GALNT3: variants seen among roughly 807,000 people sequenced by gnomAD.
GALNT3 encodes polypeptide N-acetylgalactosaminyltransferase 3, also known as GalNAc transferase 3.
GALNT3 carries 51 observed loss-of-function variants against 69.8 expected under a neutral mutation model. The observed-to-expected ratio is 0.73, with a 90% CI of 0.58 to 0.92. GALNT3 has a LOEUF of 0.92. GALNT3 is among the 40% of genes least tolerant of loss of function. GALNT3 has a pLI of 0.00. For missense variants in GALNT3, 711 were observed against 760.0 expected (o/e 0.94, Z 0.76); for synonymous variants, 265 against 248.5 (o/e 1.07, Z -0.63).
chr2:165,758,681 G>T (rs1417103008), intron 6 of GALNT3, 66 bp downstream of exon 6: 17 of 1,030,018 alleles, frequency 1.7e-5, no homozygotes, highest in Middle Eastern at 2.7e-4. Context: ...ATATGTACCA[G>T]CCGATTAGAA....
intron 7 of GALNT3, 148 bp from the exon 8 acceptor site, chr2:165,755,211 T>C: frequency 2.5e-6 from 2 of 785,528 alleles, no homozygotes; most frequent in Non-Finnish European, 4.2e-6. Context: ...TCATCATTCA[T>C]TCAAGTAAAA....
intron 7 of GALNT3, among the ~76,000 whole-genome samples, chr2:165,755,590 C>A (rs1688430953): frequency 6.6e-6 from 1 of 152,072 alleles, no homozygotes; most frequent in African/African-American, 2.4e-5. Flanking sequence ...AACAATATCC[C>A]CAACTGAACC....
chr2:165,757,157 C>G lies in GALNT3; in HGVS notation c.1282G>C (p.Gly428Arg). 1 of 1,614,066 alleles carries G rather than the reference C, an allele frequency of 6.2e-7. No individual in the cohort carries two copies. The highest frequency in any genetic ancestry group is 8.5e-7 in the Non-Finnish European group (1 of 1,179,954). ...TGGTTTCTAGCAATCACCTGAGTGC[C>G]TTTTGGAAAGCTATGAGGGCTTTTG... Reference protein sequence around the residue: ...RSKSPHSFPKGTQVIARNQVR... With the variant: ...RSKSPHSFPKRTQVIARNQVR... The change falls in exon 7 of 11, where the codon GGC becomes CGC. Residue 428 changes from glycine to arginine, a missense_variant. Coordinates refer to ENST00000392701, the MANE Select transcript of GALNT3 (RefSeq NM_004482.4).
At chr2:165,778,622 T>C (rs1683025265) in intron 1 of GALNT3, among the ~76,000 whole-genome samples, 2 of 152,184 alleles carry the variant, frequency 1.3e-5, no homozygotes. Flanking sequence ...GATCCAGAGA[T>C]GTCTATGGAG....
intron 1 of GALNT3, among the ~76,000 whole-genome samples, chr2:165,792,746 G>C (rs1204587037): frequency 6.6e-6 from 1 of 151,998 alleles, no homozygotes; most frequent in Non-Finnish European, 1.5e-5. Context: ...TGCTTGGAAA[G>C]TTTAACATGT....
chr2:165,771,885 A>G (rs1343075850), intron 1 of GALNT3, among the ~76,000 whole-genome samples: 2 of 152,214 alleles, frequency 1.3e-5, no homozygotes, highest in African/African-American at 4.8e-5. Flanking sequence ...TTTTGGCAGG[A>G]AATTTTAAGC....
At chr2:165,782,541 C>T (rs995412600) in intron 1 of GALNT3, among the ~76,000 whole-genome samples, 4 of 152,096 alleles carry the variant, frequency 2.6e-5, no homozygotes, top group Admixed American at 6.5e-5. Context: ...CTGCCAGTTA[C>T]CCAGTATGTC....
At chr2:165,768,205 A>G (rs1195398588) in intron 2 of GALNT3, among the ~76,000 whole-genome samples, 1 of 151,926 alleles carries the variant, frequency 6.6e-6, no homozygotes, top group East Asian at 1.9e-4. Context: ...GTAAGAAATA[A>G]TTAAATCTTC....
chr2:165,755,659 T>C (rs1688432074), intron 7 of GALNT3, among the ~76,000 whole-genome samples: 1 of 152,224 alleles, frequency 6.6e-6, no homozygotes, highest in South Asian at 2.1e-4. Context: ...CATTTTAACG[T>C]ACTAAGAAAA....
intron 9 of GALNT3, among the ~76,000 whole-genome samples, chr2:165,752,470 C>T (rs930004928): frequency 1.4e-4 from 21 of 152,188 alleles, no homozygotes; most frequent in African/African-American, 4.8e-4. Context: ...ACAGTCAGTA[C>T]AAGCTACTTT....
intron 9 of GALNT3, among the ~76,000 whole-genome samples, chr2:165,751,058 G>A (rs1688349619): frequency 6.6e-6 from 1 of 152,106 alleles, no homozygotes; most frequent in Non-Finnish European, 1.5e-5. Flanking sequence ...TGTGTGTGGT[G>A]TGTAGACCTG....
At chr2:165,791,728 T>C (rs1683356414) in intron 1 of GALNT3, among the ~76,000 whole-genome samples, 1 of 152,174 alleles carries the variant, frequency 6.6e-6, no homozygotes, top group Admixed American at 6.5e-5. Context: ...TAAATAATGT[T>C]ATCCACATTG....
chr2:165,757,046 C>T lies in GALNT3; in HGVS notation c.1392+1G>A. The T allele has an allele frequency of 6.2e-7, 1 of 1,608,788 alleles. No homozygotes were observed. The highest frequency in any genetic ancestry group is 8.5e-7 in the Non-Finnish European group (1 of 1,175,394). ...AATTTAACTACTTAGCTTTAACTTA[C>T]TTGTTTAACAATTTTTGCTGCATCT... On this transcript the variant is annotated splice_donor_variant, in intron 7 of 10. Transcript: ENST00000392701. LOFTEE classifies it high-confidence loss of function.
intron 9 of GALNT3, among the ~76,000 whole-genome samples, chr2:165,750,381 G>A (rs150161119): frequency 2.6e-5 from 4 of 152,232 alleles, no homozygotes; most frequent in South Asian, 2.1e-4. Flanking sequence ...GGGTTAATAC[G>A]CATAATACAT....
At chr2:165,762,659 G>C (rs1688572966) in intron 3 of GALNT3, among the ~76,000 whole-genome samples, 1 of 152,162 alleles carries the variant, frequency 6.6e-6, no homozygotes, top group African/African-American at 2.4e-5. Flanking sequence ...AGTAAAATAT[G>C]AAACAGGCAA....
chr2:165,749,387 G>C (rs953313120), intron 10 of GALNT3, among the ~76,000 whole-genome samples: 1 of 151,998 alleles, frequency 6.6e-6, no homozygotes, highest in Non-Finnish European at 1.5e-5. Flanking sequence ...CACTTCAAGT[G>C]AGAAGATATA....
At position 165,749,764 on chromosome 2, in the gene GALNT3, T is replaced by C. The variant is rs148063331; in HGVS notation, c.1757A>G (p.Glu586Gly). ...TACCTTCTGGATCTCCCATATCTGC[T>C]CTCCAGTGACAACTGTCTTGTGACC... ...YKGHKTVVTG[E>G]QIWEIQKDQL... Residue 586 changes from glutamate (E) to glycine (G), a missense_variant, in exon 10 of 11, where the codon GAG becomes GGG. By Grantham distance (98) the Glu-to-Gly change is moderately conservative. Coordinates refer to ENST00000392701, the MANE Select transcript of GALNT3 (RefSeq NM_004482.4). The C allele has an allele frequency of 2.5e-6, 4 of 1,613,462 alleles. No individual in the cohort carries two copies. The African/African-American group carries it at 5.3e-5, about 22-fold the overall frequency.
chr2:165,786,954 A>G (rs1683235884), intron 1 of GALNT3, among the ~76,000 whole-genome samples: 1 of 152,226 alleles, frequency 6.6e-6, no homozygotes, highest in Admixed American at 6.5e-5. Context: ...ATAAATATAA[A>G]CTATTATTAC....
At chr2:165,786,684 T>C (rs750619639) in intron 1 of GALNT3, among the ~76,000 whole-genome samples, 4 of 152,230 alleles carry the variant, frequency 2.6e-5, no homozygotes, top group African/African-American at 9.6e-5. Context: ...ACAGAACTCA[T>C]GGAAACAGAA....
Sources: allele counts gnomAD v4.1 joint callset (sites outside exome capture counted in the v4.1 genomes callset), GRCh38; gene constraint gnomAD v4.1.1; transcripts MANE v1.5; gene names NCBI Gene and HGNC (gene_info 2026-07-23, HGNC 2026-07-21).